ATP13A4: variants seen among roughly 807,000 people sequenced by gnomAD.
The protein encoded by ATP13A4 is probable cation-transporting ATPase 13A4.
Under a neutral mutation model 142.5 loss-of-function variants are expected in ATP13A4, and 114 were observed. That is an observed-to-expected ratio of 0.80 (90% CI 0.69 to 0.93). The LOEUF is 0.93. ATP13A4 is among the 40% of genes least tolerant of loss of function. The pLI is 0.00. For missense variants in ATP13A4, 1,392 were observed against 1,454.0 expected, an observed-to-expected ratio of 0.96 and a Z score of 0.69; for synonymous variants, 488 against 514.8, an observed-to-expected ratio of 0.95 and a Z score of 0.70.
At chr3:193,430,875 C>G (rs1004092697) in intron 25 of ATP13A4, among the ~76,000 whole-genome samples, 3 of 152,030 alleles carry the variant, frequency 2.0e-5, no homozygotes, top group Non-Finnish European at 2.9e-5. Context: ...AAAAACAATA[C>G]TCTTACTATT....
chr3:193,459,285 G>A, intron 13 of ATP13A4, 54 bp from the exon 14 acceptor site: 1 of 1,605,470 alleles, frequency 6.2e-7, no homozygotes, highest in African/African-American at 1.3e-5. Flanking sequence ...CCAAAACAGA[G>A]CATCTTGGAG....
At chr3:193,423,034 C>G (rs1175596743) in intron 25 of ATP13A4, among the ~76,000 whole-genome samples, 1 of 149,254 alleles carries the variant, frequency 6.7e-6, no homozygotes, top group Non-Finnish European at 1.5e-5. Context: ...AAGGATACAT[C>G]ACAACTAATA....
chr3:193,476,069 G>A (rs956501414), intron 8 of ATP13A4, among the ~76,000 whole-genome samples: 15 of 152,034 alleles, frequency 9.9e-5, no homozygotes, highest in Non-Finnish European at 2.2e-4. Context: ...TATAAGGTCA[G>A]TATAACTATG....
At chr3:193,454,898 A>C (rs2108634210) in intron 16 of ATP13A4, among the ~76,000 whole-genome samples, 1 of 152,356 alleles carries the variant, frequency 6.6e-6, no homozygotes, top group South Asian at 2.1e-4. Flanking sequence ...CTGCACAGCA[A>C]AAGAAACTGT....
intron 17 of ATP13A4, among the ~76,000 whole-genome samples, chr3:193,452,794 ATAT>A (rs3052518): frequency 3.4e-5 from 5 of 147,560 alleles, no homozygotes; most frequent in African/African-American, 4.9e-5. Context: ...TATATATATA[ATAT>A]TATCTTATAT....
Position 193,442,429 on chromosome 3 carries a change from T to A in ATP13A4, c.2280A>T (p.Leu760Phe). The change falls in exon 19 of 30, where the codon TTA (leucine) becomes TTT (phenylalanine). Residue 760 changes from leucine to phenylalanine, a missense_variant. Coordinates refer to ENST00000342695, the MANE Select transcript of ATP13A4 (RefSeq NM_032279.4). ...ACATAATGTGTTTCTTCTCTTCTACTAACGTCCAAGATATAGATGCTGATG... is the reference window on the plus strand; with the variant it reads ...ACATAATGTGTTTCTTCTCTTCTACAAACGTCCAAGATATAGATGCTGATG... ...GSSSASISWTLVEEKKHIMYG... is the reference protein window; with the variant it reads ...GSSSASISWTFVEEKKHIMYG... 2.5e-6 allele frequency: 4 copies of A among 1,614,046 alleles called. No homozygotes were observed. The highest frequency in any genetic ancestry group is 3.4e-6 in the Non-Finnish European group (4 of 1,179,896).
At chr3:193,569,915 T>C (rs1048482208) in intron 2 of ATP13A4, among the ~76,000 whole-genome samples, 7 of 152,212 alleles carry the variant, frequency 4.6e-5, no homozygotes, top group African/African-American at 1.4e-4. Flanking sequence ...GCGGGGTATA[T>C]GAGAACTCTC....
intron 1 of ATP13A4, among the ~76,000 whole-genome samples, chr3:193,524,457 A>G (rs957353972): frequency 1.3e-5 from 2 of 152,220 alleles, no homozygotes; most frequent in African/African-American, 2.4e-5. Context: ...AACTCCACAC[A>G]TTTAATGTCA....
In ATP13A4 at chr3:193,399,728, C is replaced by T. The variant is rs1714203097; in HGVS notation, c.*2924G>A. ...CCGGGCATGGTGGCAGACCTGTAGT[C>T]CCAGCTACTTGGGAGGCTGAGGCAG... On this transcript the variant is annotated 3_prime_UTR_variant, in exon 30 of 30. Coordinates refer to ENST00000342695, the MANE Select transcript of ATP13A4 (RefSeq NM_032279.4). Among the ~76,000 whole-genome samples the T allele has an allele frequency of 6.6e-6, 1 of 151,090 alleles. No individual in the cohort carries two copies. Among genetic ancestry groups the T allele is most frequent in the Non-Finnish European group, 1.5e-5 (1 of 67,892 alleles).
At chr3:193,448,949 G>T (rs550105420) in intron 17 of ATP13A4, among the ~76,000 whole-genome samples, 1 of 151,288 alleles carries the variant, frequency 6.6e-6, no homozygotes, top group East Asian at 2.0e-4. Context: ...ACAAAGGGGA[G>T]TTTTAGTTCT....
intron 25 of ATP13A4, among the ~76,000 whole-genome samples, chr3:193,415,122 T>C (rs561313324): frequency 8.5e-5 from 13 of 152,326 alleles, no homozygotes; most frequent in Admixed American, 3.9e-4. Flanking sequence ...ACTTTCGACA[T>C]AGTTATTCTA....
intron 19 of ATP13A4, among the ~76,000 whole-genome samples, 156 bp from the exon 20 acceptor site, chr3:193,441,744 T>C (rs994684159): frequency 3.3e-5 from 5 of 152,226 alleles, no homozygotes; most frequent in Non-Finnish European, 7.3e-5. Flanking sequence ...GCTGGATCAA[T>C]CTTTGCACAT....
At chr3:193,511,764 C>CA (rs1721152110) in intron 2 of ATP13A4, among the ~76,000 whole-genome samples, 1 of 151,896 alleles carries the variant, frequency 6.6e-6, no homozygotes, top group Non-Finnish European at 1.5e-5. Context: ...AAACGTTTGA[C>CA]TCCTTCATTC....
At chr3:193,462,668 C>T in intron 13 of ATP13A4, 94 bp downstream of exon 13, 12 of 1,239,308 alleles carry the variant, frequency 9.7e-6, no homozygotes, top group Non-Finnish European at 1.4e-5. Flanking sequence ...AAGCCAAAGT[C>T]CAAATGTCTC....
At chr3:193,483,536 C>T (rs1719419124) in intron 8 of ATP13A4, among the ~76,000 whole-genome samples, 1 of 152,176 alleles carries the variant, frequency 6.6e-6, no homozygotes, top group South Asian at 2.1e-4. Flanking sequence ...GCGATCTCGG[C>T]TCACTGCAAG....
chr3:193,586,579 T>C (rs961369258), intron 1 of ATP13A4, among the ~76,000 whole-genome samples: 3 of 152,230 alleles, frequency 2.0e-5, no homozygotes, highest in Non-Finnish European at 2.9e-5. Context: ...ACATTTTCTA[T>C]AGGGATATCC....
chr3:193,462,305 T>C (rs1028049135), intron 13 of ATP13A4, among the ~76,000 whole-genome samples: 1 of 151,516 alleles, frequency 6.6e-6, no homozygotes, highest in African/African-American at 2.4e-5. Flanking sequence ...GAAACATGAG[T>C]ACACTAGCTA....
chr3:193,558,333 G>A (rs1012946370), upstream of ATP13A4, among the ~76,000 whole-genome samples: 27 of 152,148 alleles, frequency 1.8e-4, no homozygotes, highest in Admixed American at 5.2e-4. Context: ...CGTGCCTCAC[G>A]GGTTGTGATG....
At chr3:193,574,228 G>T (rs1560287726) in intron 2 of ATP13A4, among the ~76,000 whole-genome samples, 1 of 152,122 alleles carries the variant, frequency 6.6e-6, no homozygotes, top group South Asian at 2.1e-4. Flanking sequence ...GTCTGCCTCC[G>T]GCATCACCAC....
Sources: allele counts gnomAD v4.1 joint callset (sites outside exome capture counted in the v4.1 genomes callset), GRCh38; gene constraint gnomAD v4.1.1; transcripts MANE v1.5; gene names NCBI Gene and HGNC (gene_info 2026-07-23, HGNC 2026-07-21).